ASXL2: variants seen among roughly 807,000 people sequenced by gnomAD.
The protein encoded by ASXL2 is ASXL transcriptional regulator 2.
Under a neutral mutation model 122.0 loss-of-function variants are expected in ASXL2, and 23 were observed. The observed-to-expected ratio is 0.19, with a 90% CI of 0.14 to 0.27. The LOEUF (loss-of-function observed/expected upper bound fraction) is 0.27, where lower values mean the gene tolerates loss of function less well. Ranked by LOEUF, ASXL2 falls within the 10% of genes least tolerant of loss-of-function variation. The pLI is 1.00. For synonymous variants in ASXL2, 650 were observed against 637.0 expected, an observed-to-expected ratio of 1.02 and a Z score of -0.31; for missense variants, 1,518 against 1,713.8, an observed-to-expected ratio of 0.89 and a Z score of 2.02.
rs763064039 is a variant in ASXL2, at chr2:25,744,102, G to A, written c.2235C>T (p.Pro745=). Reference sequence around the variant, plus strand: ...ACTGGGGCTGAGTCTCTGGACCACAGGGTAAAAGCTCTCTCGTACCTCCCC... The same window carrying A: ...ACTGGGGCTGAGTCTCTGGACCACAAGGTAAAAGCTCTCTCGTACCTCCCC... ...GSRGGTRELL[P]CGPETQPQSE... is the part of the protein sequence containing the mutation. The change falls in exon 13 of 13, where the codon CCC becomes CCT. Residue 745 remains proline, a synonymous_variant. Coordinates refer to ENST00000435504, the MANE Select transcript of ASXL2 (RefSeq NM_018263.6). The surrounding 1 kb of genome is among the most constrained non-coding windows in gnomAD (Gnocchi z 4.7). 6.2e-7 allele frequency: 1 copy of A among 1,614,006 alleles called. No individual in the cohort carries two copies. The highest frequency in any genetic ancestry group is 8.5e-7 in the Non-Finnish European group (1 of 1,179,884).
intron 3 of ASXL2, among the ~76,000 whole-genome samples, chr2:25,815,794 A>G (rs2149179035): frequency 6.6e-6 from 1 of 152,268 alleles, no homozygotes; most frequent in Non-Finnish European, 1.5e-5. Context: ...TTAAATGATG[A>G]GATTCCTTCA....
intron 4 of ASXL2, among the ~76,000 whole-genome samples, chr2:25,801,971 C>T (rs1179305755): frequency 6.6e-6 from 1 of 152,178 alleles, no homozygotes; most frequent in Non-Finnish European, 1.5e-5. Flanking sequence ...CAAAGGCCTC[C>T]AATGTTTGAT....
At chr2:25,774,716 T>C (rs759599502) in intron 5 of ASXL2, among the ~76,000 whole-genome samples, 3 of 152,198 alleles carry the variant, frequency 2.0e-5, no homozygotes, top group African/African-American at 4.8e-5. Context: ...GGGGTATATA[T>C]GTAGTAGCGG....
At chr2:25,873,244 G>A (rs916370684) in intron 1 of ASXL2, among the ~76,000 whole-genome samples, 11 of 151,938 alleles carry the variant, frequency 7.2e-5, no homozygotes, top group Admixed American at 1.3e-4. Context: ...AAAATCTACC[G>A]TTTTACTTTC....
At chr2:25,759,724 T>TA in intron 8 of ASXL2, 79 bp from the exon 9 acceptor site, 4 of 1,413,750 alleles carry the variant, frequency 2.8e-6, no homozygotes, top group Admixed American at 4.3e-5. Flanking sequence ...CTGTGCAGTA[T>TA]AAAAAATCCA....
chr2:25,854,187 A>C (rs1432775308), intron 1 of ASXL2, among the ~76,000 whole-genome samples: 1 of 152,156 alleles, frequency 6.6e-6, no homozygotes, highest in Non-Finnish European at 1.5e-5. Flanking sequence ...TTAATTATCC[A>C]AAAAGTCTGG....
rs779349501 is a variant in ASXL2, at chr2:25,749,974, G to A, written c.1582C>T (p.Pro528Ser). The change falls in exon 12 of 13, where the codon CCC becomes TCC. Residue 528 changes from proline to serine, a missense_variant. Coordinates refer to ENST00000435504, the MANE Select transcript of ASXL2 (RefSeq NM_018263.6). ...GGTTTTTCAACCCCAGGACTCTTGGGTTTGCTTGGCGATGTAACTAAAGAT... is the reference window on the plus strand; with the variant it reads ...GGTTTTTCAACCCCAGGACTCTTGGATTTGCTTGGCGATGTAACTAAAGAT... ...QESLVTSPSKPKSPGVEKPIV... is the reference protein window; with the variant it reads ...QESLVTSPSKSKSPGVEKPIV... 65 of 1,613,830 alleles carry A rather than the reference G, an allele frequency of 4.0e-5. 1 individual carries two copies. The Middle Eastern group carries it at 4.9e-4, about 12-fold the overall frequency.
chr2:25,858,433 AT>A (rs1453308526), intron 1 of ASXL2, among the ~76,000 whole-genome samples: 1 of 150,638 alleles, frequency 6.6e-6, no homozygotes, highest in African/African-American at 2.4e-5. Context: ...AAAAAAAAAA[AT>A]TTTTTTTTGG....
At chr2:25,811,240 G>A (rs1245297113) in intron 3 of ASXL2, among the ~76,000 whole-genome samples, 1 of 151,890 alleles carries the variant, frequency 6.6e-6, no homozygotes, top group East Asian at 1.9e-4. Flanking sequence ...GCAACAGAGT[G>A]AGACCATGGC....
At chr2:25,745,638 CTTCT>C (rs2087929045) in intron 12 of ASXL2, among the ~76,000 whole-genome samples, 4 of 136,690 alleles carry the variant, frequency 2.9e-5, no homozygotes, top group Admixed American at 2.3e-4. Context: ...CATTGATTTC[CTTCT>C]TTTTTTTTTT....
At chr2:25,843,128 G>A (rs1328832606) in intron 2 of ASXL2, among the ~76,000 whole-genome samples, 1 of 151,532 alleles carries the variant, frequency 6.6e-6, no homozygotes, top group Non-Finnish European at 1.5e-5. Flanking sequence ...GTGAAACCAC[G>A]TCTCTAATAA....
intron 1 of ASXL2, 87 bp from the exon 2 acceptor site, chr2:25,845,650 G>T: frequency 3.6e-6 from 2 of 561,090 alleles, no homozygotes; most frequent in South Asian, 6.6e-5. Flanking sequence ...CGTCTTAAAA[G>T]CTAAAATTAA....
chr2:25,778,196 G>A (rs2088578135), intron 5 of ASXL2, among the ~76,000 whole-genome samples: 1 of 152,158 alleles, frequency 6.6e-6, no homozygotes, highest in Non-Finnish European at 1.5e-5. Context: ...AGCCTTGGTA[G>A]GTGTAACTCA....
Position 25,871,945 on chromosome 2 carries a change from A to T in ASXL2, c.57+6221T>A, listed in dbSNP as rs192572071. On this transcript the variant is annotated intron_variant, in intron 1 of 12. Coordinates refer to ENST00000435504, the MANE Select transcript of ASXL2 (RefSeq NM_018263.6). ...ATCAGAGCAGTTCCTCAATTTTTTT[A>T]AAAATTAAAGAACTTTTTATTAAAC... 5.7e-3 allele frequency among the ~76,000 whole-genome samples: 872 copies of T among 152,352 alleles called. 11 individuals are homozygous for T. The highest frequency in any genetic ancestry group is 0.02 in the African/African-American group (843 of 41,590).
chr2:25,740,008 TTC>T lies in ASXL2; in HGVS notation c.*2019_*2020del, dbSNP rs1334887590. ...ACTGAATATTTGGGAGCACCATTAT[TTC>T]TGTTTTCTACTGGTTCTTGGCTTGA... On this transcript the variant is annotated 3_prime_UTR_variant, in exon 13 of 13. Coordinates refer to ENST00000435504, the MANE Select transcript of ASXL2 (RefSeq NM_018263.6). The T allele has an allele frequency of 1.3e-5, 3 of 224,110 alleles. No homozygotes were observed. The highest frequency in any genetic ancestry group is 6.4e-5 in the East Asian group (1 of 15,584). The allele number at this position is 224,110 out of a possible 1,614,324, so 13.9% of individuals were successfully genotyped here. A position where few individuals can be genotyped will look rare whatever the true frequency, so the allele number is the denominator to read the frequency against.
intron 3 of ASXL2, among the ~76,000 whole-genome samples, chr2:25,820,093 T>C (rs1399217402): frequency 6.6e-6 from 1 of 152,080 alleles, no homozygotes; most frequent in Non-Finnish European, 1.5e-5. Flanking sequence ...TTTATTTTAT[T>C]ATTGTATAGA....
At position 25,811,049 on chromosome 2, in the gene ASXL2, CAA is replaced by C. The variant is rs1242953367; in HGVS notation, c.144-4714_144-4713del. ...GCAACCCCTGTCTCTACAAAAAATACAAAAATACACACACACACACACACACA... is the reference window on the plus strand; with the variant it reads ...GCAACCCCTGTCTCTACAAAAAATACAAATACACACACACACACACACACA... On this transcript the variant is annotated intron_variant, in intron 3 of 12. Transcript: ENST00000435504. 8.4e-5 allele frequency among the ~76,000 whole-genome samples: 11 copies of C among 130,404 alleles called. No individual in the cohort carries two copies. In the East Asian group the frequency reaches 2.5e-3, roughly 29 times the overall value. The allele number at this position is 130,404 out of a possible 152,430, so 85.6% of individuals were successfully genotyped here.
intron 3 of ASXL2, among the ~76,000 whole-genome samples, chr2:25,829,323 T>C (rs2089421593): frequency 6.6e-6 from 1 of 151,826 alleles, no homozygotes; most frequent in South Asian, 2.1e-4. Context: ...CGAGGGTTTA[T>C]CATCTGAGGT....
intron 3 of ASXL2, among the ~76,000 whole-genome samples, chr2:25,819,600 A>G: frequency 6.6e-6 from 1 of 152,246 alleles, no homozygotes; most frequent in East Asian, 1.9e-4. Flanking sequence ...ATTAAACAGC[A>G]GAAATAAAAA....
Sources: gnomAD v4.1 joint callset for allele counts (sites outside exome capture counted in the v4.1 genomes callset) on GRCh38, gnomAD v4.1.1 for gene constraint, Gnocchi (gnomAD v3.1) non-coding constraint, MANE v1.5 for transcripts, NCBI Gene and HGNC (gene_info 2026-07-23, HGNC 2026-07-21) for gene names.